Variants in RIPOR2 observed in about 807,000 individuals in gnomAD.
RIPOR2 encodes rho family-interacting cell polarization regulator 2.
A neutral mutation model predicts 114.5 loss-of-function variants in RIPOR2; 39 were observed. The observed-to-expected ratio is 0.34, with a 90% CI of 0.26 to 0.44. The LOEUF is 0.44. Ranked by LOEUF, RIPOR2 falls within the 20% of genes least tolerant of loss-of-function variation. The pLI is 1.00. For missense variants in RIPOR2, 1,007 were observed against 1,255.1 expected, an observed-to-expected ratio of 0.80 and a Z score of 2.99; for synonymous variants, 445 against 484.4, an observed-to-expected ratio of 0.92 and a Z score of 1.07.
chr6:24,867,251 T>C (rs1456832659), intron 6 of RIPOR2, among the ~76,000 whole-genome samples: 5 of 152,228 alleles, frequency 3.3e-5, no homozygotes, highest in Admixed American at 6.5e-5. Context: ...TCCTATCTGC[T>C]GATGACATCT....
Position 24,954,276 on chromosome 6 carries a change from G to C in RIPOR2, c.77-78459C>G, listed in dbSNP as rs149823251. ...CTCTTATCGCTAGTCAGTGTCTTCA[G>C]ATACAAACACCCTGGCACAATTATG... On this transcript the variant is annotated intron_variant, in intron 1 of 13. Coordinates refer to the RIPOR2 transcript ENST00000510784. Among the ~76,000 whole-genome samples the C allele has an allele frequency of 2.4e-3, 364 of 152,228 alleles. 1 individual carries two copies. The highest frequency in any genetic ancestry group is 8.1e-3 in the African/African-American group (336 of 41,536).
chr6:24,906,902 G>A (rs1259214458), intron 1 of RIPOR2, among the ~76,000 whole-genome samples: 1 of 152,074 alleles, frequency 6.6e-6, no homozygotes, highest in African/African-American at 2.4e-5. Context: ...GCCTTCTAAA[G>A]TGCTAGGATT....
At chr6:25,001,443 T>C (rs1775311235) in intron 1 of RIPOR2, among the ~76,000 whole-genome samples, 1 of 151,726 alleles carries the variant, frequency 6.6e-6, no homozygotes, top group Admixed American at 6.6e-5. Context: ...GCCAACATGG[T>C]GTAACCCCGT....
intron 4 of RIPOR2, among the ~76,000 whole-genome samples, chr6:24,871,811 C>T (rs968002133): frequency 1.3e-5 from 2 of 152,186 alleles, no homozygotes; most frequent in South Asian, 2.1e-4. Flanking sequence ...GGCAGAAGCC[C>T]CTGCATTTGT....
At chr6:24,968,300 A>C (rs1773625344) in intron 1 of RIPOR2, among the ~76,000 whole-genome samples, 1 of 152,096 alleles carries the variant, frequency 6.6e-6, no homozygotes, top group Non-Finnish European at 1.5e-5. Context: ...CCTTTCCTCT[A>C]TCTGACAATG....
At chr6:24,834,952 T>C (rs1269533311) in intron 15 of RIPOR2, among the ~76,000 whole-genome samples, 1 of 152,200 alleles carries the variant, frequency 6.6e-6, no homozygotes, top group African/African-American at 2.4e-5. Context: ...TTCTGCATTC[T>C]CTTCCTGTTC....
chr6:24,927,137 C>CAAT lies in RIPOR2; in HGVS notation c.61+8700_61+8701insATT, dbSNP rs1561782391. ...GATTATTATAATCATCATCTCACTA[C>CAAT]CACCACCACCACCACCACCACCACA... On this transcript the variant is annotated intron_variant, in intron 1 of 21. Coordinates refer to ENST00000643898, the MANE Select transcript of RIPOR2 (RefSeq NM_001286445.3). Among the ~76,000 whole-genome samples, 10 of 24,830 alleles carry CAAT rather than the reference C, an allele frequency of 4.0e-4. 4 individuals carry two copies. Among genetic ancestry groups the CAAT allele is most frequent in the Admixed American group, 3.2e-3 (7 of 2,206 alleles). 16.3% of individuals were successfully genotyped at this position (24,830 alleles called of 152,430 possible). A position where few individuals can be genotyped will look rare whatever the true frequency, so the allele number is the denominator to read the frequency against.
intron 13 of RIPOR2, chr6:24,839,689 A>G: frequency 6.6e-7 from 1 of 1,517,812 alleles, no homozygotes; most frequent in Non-Finnish European, 8.8e-7. Flanking sequence ...GGGAAACAGA[A>G]CTGCTATATC....
At chr6:24,931,599 A>G (rs1047745639) in intron 1 of RIPOR2, among the ~76,000 whole-genome samples, 2 of 152,268 alleles carry the variant, frequency 1.3e-5, no homozygotes, top group Admixed American at 6.5e-5. Context: ...GCTCAGTTGC[A>G]CTCTACCAGC....
chr6:24,983,208 A>G (rs965166289), intron 1 of RIPOR2, among the ~76,000 whole-genome samples: 1 of 151,566 alleles, frequency 6.6e-6, no homozygotes, highest in South Asian at 2.1e-4. Flanking sequence ...ACACACACAC[A>G]CACACACACA....
chr6:25,039,072 T>C (rs1211894109), intron 1 of RIPOR2, among the ~76,000 whole-genome samples: 2 of 152,260 alleles, frequency 1.3e-5, no homozygotes, highest in South Asian at 4.1e-4. Flanking sequence ...TTTATTTTTC[T>C]TAATGACAAA....
chr6:24,846,869 T>A (rs988022855), intron 12 of RIPOR2, among the ~76,000 whole-genome samples: 1 of 152,238 alleles, frequency 6.6e-6, no homozygotes, highest in African/African-American at 2.4e-5. Context: ...ACAAACATTA[T>A]AATAAACTAA....
intron 17 of RIPOR2, 47 bp from the exon 18 acceptor site, chr6:24,828,342 T>TCATTCATC: frequency 1.7e-6 from 1 of 576,284 alleles, no homozygotes; most frequent in Non-Finnish European, 2.6e-6. Context: ...AGATGACCAT[T>TCATTCATC]CATTCATTCA....
intron 1 of RIPOR2, among the ~76,000 whole-genome samples, chr6:24,991,979 C>G (rs1024919919): frequency 6.6e-6 from 1 of 152,140 alleles, no homozygotes; most frequent in Admixed American, 6.5e-5. Flanking sequence ...AGTTTCAATT[C>G]ATTTTGCATC....
chr6:25,003,829 A>G (rs540063717), intron 1 of RIPOR2, among the ~76,000 whole-genome samples: 10 of 152,348 alleles, frequency 6.6e-5, no homozygotes, highest in African/African-American at 2.2e-4. Flanking sequence ...CCAACAGGTA[A>G]GTGCAAACTT....
intron 9 of RIPOR2, among the ~76,000 whole-genome samples, chr6:24,852,053 A>G (rs988706329): frequency 6.6e-6 from 1 of 152,060 alleles, no homozygotes; most frequent in African/African-American, 2.4e-5. Context: ...TGAGGTCAGG[A>G]GTTCAAGACC....
At chr6:24,870,752 G>T in intron 5 of RIPOR2, 114 bp downstream of exon 5, 1 of 699,848 alleles carries the variant, frequency 1.4e-6, no homozygotes, top group Non-Finnish European at 2.4e-6. Context: ...AAGCTCAAGT[G>T]ATCCACCCAC....
chr6:24,846,036 T>C (rs919322592), intron 12 of RIPOR2, among the ~76,000 whole-genome samples: 9 of 152,130 alleles, frequency 5.9e-5, no homozygotes, highest in African/African-American at 2.2e-4. Flanking sequence ...TCTAAAAGGT[T>C]TTATCAGGAA....
At chr6:24,998,426 TA>T (rs1350515736) in intron 1 of RIPOR2, among the ~76,000 whole-genome samples, 1 of 152,242 alleles carries the variant, frequency 6.6e-6, no homozygotes, top group Non-Finnish European at 1.5e-5. Context: ...TTTATAAAGT[TA>T]ATAGCAATCC....
Sources: gnomAD v4.1 joint callset for allele counts (sites outside exome capture counted in the v4.1 genomes callset) on GRCh38, gnomAD v4.1.1 for gene constraint, MANE v1.5 for transcripts, NCBI Gene and HGNC (gene_info 2026-07-23, HGNC 2026-07-21) for gene names.